Variants in CCDC40 observed in about 807,000 individuals in gnomAD.
CCDC40 encodes the protein coiled-coil domain-containing protein 40.
Under a neutral mutation model 124.5 loss-of-function variants are expected in CCDC40, and 104 were observed. The ratio of observed to expected loss-of-function variants is 0.84; its 90% CI spans 0.71 to 0.98. CCDC40 has a LOEUF of 0.98. CCDC40 is among the 50% of genes least tolerant of loss of function. The pLI, the probability that CCDC40 is intolerant of heterozygous loss-of-function variation, is 0.00. For synonymous variants in CCDC40, 580 were observed against 602.9 expected (o/e 0.96, Z 0.56); for missense variants, 1,463 against 1,503.9 (o/e 0.97, Z 0.45).
chr17:80,072,268 A>T (rs543834259), intron 10 of CCDC40, among the ~76,000 whole-genome samples: 1 of 152,272 alleles, frequency 6.6e-6, no homozygotes, highest in African/African-American at 2.4e-5. Flanking sequence ...AGTACGATTT[A>T]AAAAAATAAT....
chr17:80,099,875 T>G lies in CCDC40; in HGVS notation c.*100T>G. 1 of 1,352,134 alleles carries G rather than the reference T, an allele frequency of 7.4e-7. No homozygotes were observed. The highest frequency in any genetic ancestry group is 2.4e-5 in the East Asian group (1 of 41,670). The allele number at this position is 1,352,134 out of a possible 1,614,324, so 83.8% of individuals were successfully genotyped here. ...ATCTTTTGTGTTCCTAAAAACCACA[T>G]GTACCCTCAGAAGGGCATCGTTTAA... On this transcript the variant is annotated 3_prime_UTR_variant, in exon 20 of 20. Coordinates refer to ENST00000397545, the MANE Select transcript of CCDC40 (RefSeq NM_017950.4).
Position 80,087,981 on chromosome 17 carries a change from C to G in CCDC40, c.2620-30C>G, listed in dbSNP as rs1278481505. On this transcript the variant is annotated intron_variant, in intron 15 of 19. Coordinates refer to ENST00000397545, the MANE Select transcript of CCDC40 (RefSeq NM_017950.4). The surrounding 1 kb of genome is among the most constrained non-coding windows in gnomAD (Gnocchi z 4.5). ...GCATCCACAATCCCATGGCCCTCCC[C>G]ACAGCTGTCCCGCCCCCTCCCCCAT... The G allele has an allele frequency of 6.5e-7, 1 of 1,539,970 alleles. No individual in the cohort carries two copies. The highest frequency in any genetic ancestry group is 2.2e-5 in the East Asian group (1 of 44,568).
rs376945782 is a variant in CCDC40, at chr17:80,086,077, G to A, written c.2310G>A (p.Ala770=). The A allele has an allele frequency of 1.4e-5, 23 of 1,613,982 alleles. No homozygotes were observed. The highest frequency in any genetic ancestry group is 2.2e-5 in the East Asian group (1 of 44,870). ...TGATCGACGAGCACGATGGCAAGGC[G>A]GTCCAGGCCCAGGTGACCTGGCTGC... ...SKLIDEHDGK[A]VQAQVTWLRL... is the part of the protein sequence containing the mutation. The change falls in exon 14 of 20, where the codon GCG becomes GCA. Residue 770 remains alanine (A), a synonymous_variant. Coordinates refer to ENST00000397545, the MANE Select transcript of CCDC40 (RefSeq NM_017950.4). This position sits in a 1 kb window ranked among gnomAD's most constrained non-coding sequence, Gnocchi z 5.5.
At chr17:80,067,042 G>A (rs114450734) in intron 10 of CCDC40, 2,244 of 154,094 alleles carry the variant, frequency 0.015, 55 homozygotes, top group African/African-American at 0.052. Flanking sequence ...TTAATTACAC[G>A]GCTCAGCTGC....
chr17:80,069,248 G>T, intron 10 of CCDC40, among the ~76,000 whole-genome samples: 1 of 151,988 alleles, frequency 6.6e-6, no homozygotes, highest in East Asian at 1.9e-4. Context: ...TGGTCAGGGG[G>T]TTGCTGCTGC....
intron 17 of CCDC40, among the ~76,000 whole-genome samples, chr17:80,093,597 C>T (rs2038756794): frequency 6.6e-6 from 1 of 151,344 alleles, no homozygotes; most frequent in South Asian, 2.1e-4. Context: ...ACTGCAACCT[C>T]TGCCTCCCGG....
At chr17:80,037,304 C>T (rs1226219942) in intron 1 of CCDC40, among the ~76,000 whole-genome samples, 1 of 152,206 alleles carries the variant, frequency 6.6e-6, no homozygotes, top group Non-Finnish European at 1.5e-5. Flanking sequence ...AAGATCCCTG[C>T]CACCGGGCCT....
At chr17:80,037,003 C>A (rs1042685548) in intron 1 of CCDC40, among the ~76,000 whole-genome samples, 1 of 152,202 alleles carries the variant, frequency 6.6e-6, no homozygotes, top group African/African-American at 2.4e-5. Flanking sequence ...GTCACCATGG[C>A]AACCACTCTG....
intron 10 of CCDC40, among the ~76,000 whole-genome samples, chr17:80,073,765 G>C (rs1408991147): frequency 6.6e-6 from 1 of 152,018 alleles, no homozygotes; most frequent in Admixed American, 6.6e-5. Flanking sequence ...GCACGATCTT[G>C]GCTCATTGCA....
intron 7 of CCDC40, among the ~76,000 whole-genome samples, 159 bp downstream of exon 7, chr17:80,050,442 C>T (rs1568678046): frequency 6.6e-6 from 1 of 152,092 alleles, no homozygotes; most frequent in African/African-American, 2.4e-5. Flanking sequence ...AATCAAATGT[C>T]TTTTTGTTGT....
At chr17:80,049,078 C>A (rs1034389636) in intron 5 of CCDC40, among the ~76,000 whole-genome samples, 47 of 152,176 alleles carry the variant, frequency 3.1e-4, no homozygotes, top group Admixed American at 5.2e-4. Flanking sequence ...AGCACCACCC[C>A]CCCGCCTTGG....
In CCDC40 at chr17:80,048,592, C is replaced by T; in HGVS notation, c.686C>T (p.Pro229Leu). 1 of 1,613,524 alleles carries T rather than the reference C, an allele frequency of 6.2e-7. No homozygotes were observed. The highest frequency in any genetic ancestry group is 8.5e-7 in the Non-Finnish European group (1 of 1,179,758). ...EFVSQEPVIP[P>L]GVPDAHPREG... ...CTGTCTCTCCCCCCAGTGATCCCCCCAGGGGTGCCCGATGCCCACCCCAGG... is the reference window on the plus strand; with the variant it reads ...CTGTCTCTCCCCCCAGTGATCCCCCTAGGGGTGCCCGATGCCCACCCCAGG... The change falls in exon 5 of 20, where the codon CCA becomes CTA. Residue 229 changes from proline (P) to leucine (L), a missense_variant. Pro to Leu is a moderately conservative substitution (Grantham distance 98). Transcript: ENST00000397545.
chr17:80,056,694 A>G (rs1194404831), intron 7 of CCDC40, among the ~76,000 whole-genome samples: 4 of 152,150 alleles, frequency 2.6e-5, no homozygotes, highest in Non-Finnish European at 4.4e-5. Flanking sequence ...GCACAAAAAT[A>G]TCCAAGACAA....
In CCDC40 at chr17:80,050,042, CCT is replaced by C. The variant is rs1403588443; in HGVS notation, c.940-21_940-20del. 4.3e-6 allele frequency: 7 copies of C among 1,613,630 alleles called. No homozygotes were observed. The highest frequency in any genetic ancestry group is 5.9e-6 in the Non-Finnish European group (7 of 1,179,774). ...GGTCGGATGCCTGCGTCCTGGTGAC[CCT>C]GTTTCTCTCTTTGGTCCAGGTTGTG... On this transcript the variant is annotated intron_variant, in intron 6 of 19. Transcript: ENST00000397545.
chr17:80,040,136 G>C lies in CCDC40; in HGVS notation c.418G>C (p.Gly140Arg). The change falls in exon 3 of 20, where the codon GGC (glycine) becomes CGC (arginine). Residue 140 changes from glycine (G) to arginine (R), a missense_variant. By Grantham distance (125) the Gly-to-Arg change is moderately radical. Transcript: ENST00000397545. ...TGTTAGCGGGGAGGCTGGTCTCCAA[G>C]GCTTCCAGCAAGAGGCCACCGGTCC... ...DSVSGEAGLQGFQQEATGPPE... is the reference protein window; with the variant it reads ...DSVSGEAGLQRFQQEATGPPE... 2 of 1,614,136 alleles carry C rather than the reference G, an allele frequency of 1.2e-6. No individual in the cohort carries two copies. Among genetic ancestry groups the C allele is most frequent in the East Asian group, 2.2e-5 (1 of 44,888 alleles).
chr17:80,037,880 C>T (rs2037170037), intron 1 of CCDC40: 5 of 410,230 alleles, frequency 1.2e-5, no homozygotes, highest in African/African-American at 2.1e-5. Context: ...GCTGTTCCTT[C>T]GATGTTTTAA....
chr17:80,043,196 C>G (rs746144073), intron 3 of CCDC40, among the ~76,000 whole-genome samples: 11 of 152,206 alleles, frequency 7.2e-5, no homozygotes, highest in Admixed American at 1.3e-4. Context: ...TTAAACCAGC[C>G]TTTGTGTGAT....
intron 3 of CCDC40, among the ~76,000 whole-genome samples, chr17:80,045,754 CA>C (rs563900988): frequency 1.4e-3 from 208 of 151,150 alleles, no homozygotes; most frequent in Middle Eastern, 0.01. Flanking sequence ...TGGGGAAAGG[CA>C]TTAAGGGGAG....
At chr17:80,052,219 A>G (rs1472055898) in intron 7 of CCDC40, among the ~76,000 whole-genome samples, 1 of 152,180 alleles carries the variant, frequency 6.6e-6, no homozygotes, top group Non-Finnish European at 1.5e-5. Context: ...CAGTATTGAC[A>G]CAGGATCACA....
Sources: allele counts gnomAD v4.1 joint callset (sites outside exome capture counted in the v4.1 genomes callset), GRCh38; gene constraint gnomAD v4.1.1; non-coding constraint Gnocchi (gnomAD v3.1); transcripts MANE v1.5; gene names NCBI Gene and HGNC (gene_info 2026-07-23, HGNC 2026-07-21).